The following ERBB4 variants were observed in gnomAD, a reference collection of about 807,000 sequenced individuals.
ERBB4 encodes the protein receptor tyrosine-protein kinase erbB-4.
In ERBB4, 42 loss-of-function variants were observed where a neutral mutation model predicts 158.0. The ratio of observed to expected loss-of-function variants is 0.27; its 90% CI spans 0.21 to 0.34. The LOEUF (loss-of-function observed/expected upper bound fraction) is 0.34. ERBB4 is among the 10% of genes least tolerant of loss of function. The probability of loss-of-function intolerance (pLI) is 1.00; values close to 1 mark genes in which losing one functional copy is unlikely to be tolerated. For missense variants in ERBB4, 1,333 were observed against 1,624.1 expected (o/e 0.82, Z 3.08); for synonymous variants, 583 against 558.7 (o/e 1.04, Z -0.61).
At position 211,416,949 on chromosome 2, in the gene ERBB4, T is replaced by C. The variant is rs149521206; in HGVS notation, c.3135+3492A>G. 4.5e-3 allele frequency among the ~76,000 whole-genome samples: 686 copies of C among 152,282 alleles called. 2 individuals carry two copies. Among genetic ancestry groups the C allele is most frequent in the Middle Eastern group, 0.01 (3 of 294 alleles). Reference sequence around the variant, plus strand: ...AATAAATACTCTTTGCTTTTTTCGTTTGGTTAATATTCATTTATTTCCACA... The same window carrying C: ...AATAAATACTCTTTGCTTTTTTCGTCTGGTTAATATTCATTTATTTCCACA... On this transcript the variant is annotated intron_variant, in intron 25 of 27. Transcript: ENST00000342788.
At chr2:211,788,889 T>A (rs1323669850) in intron 3 of ERBB4, among the ~76,000 whole-genome samples, 1 of 152,100 alleles carries the variant, frequency 6.6e-6, no homozygotes, top group Non-Finnish European at 1.5e-5. Flanking sequence ...CAAAGCAATG[T>A]ATAACAAATC....
chr2:211,634,743 T>A (rs7585956), intron 16 of ERBB4, among the ~76,000 whole-genome samples: 141,012 of 152,158 alleles, frequency 0.93, 66,022 homozygotes, highest in East Asian at 1. Flanking sequence ...AGTGGTGTGA[T>A]CTTGGCTCAC....
chr2:212,439,938 G>T (rs558374345), intron 1 of ERBB4, among the ~76,000 whole-genome samples: 2 of 152,254 alleles, frequency 1.3e-5, no homozygotes, highest in Admixed American at 6.5e-5. Context: ...AGATGTACTT[G>T]AGTATACTAC....
chr2:212,458,912 G>T (rs184092261), intron 1 of ERBB4, among the ~76,000 whole-genome samples: 1 of 152,202 alleles, frequency 6.6e-6, no homozygotes, highest in East Asian at 1.9e-4. Flanking sequence ...TGGACCCATT[G>T]TGTAGCACAG....
chr2:211,522,351 A>G (rs1479542074), intron 20 of ERBB4, among the ~76,000 whole-genome samples: 1 of 152,186 alleles, frequency 6.6e-6, no homozygotes, highest in Admixed American at 6.5e-5. Context: ...CAAGATAACT[A>G]CAATTAGAGT....
At chr2:211,494,902 A>G (rs1339346145) in intron 20 of ERBB4, among the ~76,000 whole-genome samples, 3 of 152,164 alleles carry the variant, frequency 2.0e-5, no homozygotes, top group African/African-American at 4.8e-5. Flanking sequence ...AAATATGCCA[A>G]AATTTATGGT....
Position 212,010,763 on chromosome 2 carries a change from C to T in ERBB4, c.235-63147G>A, listed in dbSNP as rs533811083. On this transcript the variant is annotated intron_variant, in intron 2 of 27. Transcript: ENST00000342788. The stretch of plus-strand genomic sequence containing the variant: ...TAAGCCTGAGGGTACTGCAAGAGAC[C>T]AGGACATATCTCAGTCCTTATCTCA... Among the ~76,000 whole-genome samples, 7 of 152,156 alleles carry T rather than the reference C, an allele frequency of 4.6e-5. No homozygotes were observed. In the South Asian group the frequency reaches 1.5e-3, roughly 32 times the overall value.
intron 20 of ERBB4, among the ~76,000 whole-genome samples, chr2:211,539,152 T>A (rs948408655): frequency 6.6e-6 from 1 of 151,950 alleles, no homozygotes; most frequent in East Asian, 1.9e-4. Context: ...ATAACTTCTA[T>A]CTTCATTCAT....
At chr2:211,868,234 A>C (rs568457917) in intron 3 of ERBB4, among the ~76,000 whole-genome samples, 1 of 149,358 alleles carries the variant, frequency 6.7e-6, no homozygotes, top group East Asian at 1.9e-4. Flanking sequence ...TGATCTGGAC[A>C]GGAAGATACA....
chr2:211,788,683 G>A (rs1384378646), intron 3 of ERBB4, among the ~76,000 whole-genome samples: 1 of 152,084 alleles, frequency 6.6e-6, no homozygotes, highest in Non-Finnish European at 1.5e-5. Context: ...CAAGGTCATA[G>A]AGTGTGGATA....
intron 3 of ERBB4, among the ~76,000 whole-genome samples, chr2:211,836,337 G>T (rs11894876): frequency 0.21 from 32,634 of 151,886 alleles, 3,644 homozygotes; most frequent in South Asian, 0.33. Context: ...CACAGGCAGA[G>T]TCTGCAAGAA....
chr2:212,291,981 T>G (rs192707581), intron 1 of ERBB4, among the ~76,000 whole-genome samples: 1 of 152,146 alleles, frequency 6.6e-6, no homozygotes, highest in East Asian at 1.9e-4. Context: ...AGATCATATC[T>G]GTTATACAGA....
At chr2:212,512,337 T>TAC (rs1291955093) in intron 1 of ERBB4, among the ~76,000 whole-genome samples, 4 of 149,364 alleles carry the variant, frequency 2.7e-5, no homozygotes, top group African/African-American at 7.6e-5. Flanking sequence ...TATATATATA[T>TAC]ACACACAAAT....
At chr2:211,928,195 C>T (rs1053397697) in intron 3 of ERBB4, among the ~76,000 whole-genome samples, 1 of 152,130 alleles carries the variant, frequency 6.6e-6, no homozygotes, top group Admixed American at 6.5e-5. Flanking sequence ...GAGACCTTTG[C>T]GTGAGTGAAC....
intron 1 of ERBB4, among the ~76,000 whole-genome samples, chr2:212,348,954 G>T (rs892215735): frequency 6.6e-6 from 1 of 152,096 alleles, no homozygotes; most frequent in Admixed American, 6.6e-5. Flanking sequence ...TAAAGAAAGA[G>T]AGCGGAATCT....
At chr2:212,279,252 T>TA (rs143459158) in intron 1 of ERBB4, among the ~76,000 whole-genome samples, 1,976 of 151,608 alleles carry the variant, frequency 0.013, 34 homozygotes, top group African/African-American at 0.045. Flanking sequence ...GTGCATAAAA[T>TA]ATCAGATTTA....
chr2:212,382,542 G>T (rs1463991447), intron 1 of ERBB4, among the ~76,000 whole-genome samples: 17 of 150,508 alleles, frequency 1.1e-4, no homozygotes. Context: ...ACTGTTCAAT[G>T]AATATTTTAA....
At chr2:212,486,365 T>C (rs960246986) in intron 1 of ERBB4, among the ~76,000 whole-genome samples, 12 of 152,236 alleles carry the variant, frequency 7.9e-5, no homozygotes, top group African/African-American at 2.9e-4. Context: ...TAGGTCATAA[T>C]GCACGGAAAA....
At chr2:211,492,701 C>T (rs1269338596) in intron 20 of ERBB4, among the ~76,000 whole-genome samples, 1 of 152,106 alleles carries the variant, frequency 6.6e-6, no homozygotes, top group Non-Finnish European at 1.5e-5. Flanking sequence ...TCTTAACCTC[C>T]ATTCACACTG....
Sources: gnomAD v4.1 joint callset for allele counts (sites outside exome capture counted in the v4.1 genomes callset) on GRCh38, gnomAD v4.1.1 for gene constraint, MANE v1.5 for transcripts, NCBI Gene and HGNC (gene_info 2026-07-23, HGNC 2026-07-21) for gene names.